KLRF1: variants seen among roughly 807,000 people sequenced by gnomAD.
KLRF1 encodes killer cell lectin-like receptor subfamily F member 1.
A neutral mutation model predicts 30.7 loss-of-function variants in KLRF1; 27 were observed. That is an observed-to-expected ratio of 0.88 (90% CI 0.65 to 1.21). The LOEUF (loss-of-function observed/expected upper bound fraction) is 1.21, where lower values mean the gene tolerates loss of function less well. KLRF1 is among the 50% of genes most tolerant of loss of function. The probability of loss-of-function intolerance (pLI) is 0.00; values close to 1 mark genes in which losing one functional copy is unlikely to be tolerated. For missense variants in KLRF1, 246 were observed against 259.3 expected (o/e 0.95, Z 0.35); for synonymous variants, 92 against 89.3 (o/e 1.03, Z -0.17).
chr12:9,818,426 C>T, the KLRF1 span, among the ~76,000 whole-genome samples: 4 of 152,212 alleles, frequency 2.6e-5, no homozygotes, highest in Non-Finnish European at 4.4e-5. Context: ...TAGGCATGAA[C>T]TGATTGTCAA....
intron 3 of KLRF1, among the ~76,000 whole-genome samples, chr12:9,838,693 C>T (rs979048191): frequency 3.3e-5 from 5 of 152,138 alleles, no homozygotes; most frequent in Admixed American, 1.3e-4. Context: ...CTTTTAACTT[C>T]CTGGTGTGGC....
At chr12:9,822,832 A>G (rs1208954182), upstream of KLRF1, among the ~76,000 whole-genome samples, 2 of 152,206 alleles carry the variant, frequency 1.3e-5, no homozygotes, top group Admixed American at 6.5e-5. Flanking sequence ...CTAATTTCAG[A>G]CAAAACAGAC....
At chr12:9,822,105 A>G in the KLRF1 span, among the ~76,000 whole-genome samples, 3 of 152,238 alleles carry the variant, frequency 2.0e-5, no homozygotes, top group African/African-American at 4.8e-5. Flanking sequence ...TCAAATGGCC[A>G]GAGTTTCTTA....
At position 9,839,121 on chromosome 12, in the gene KLRF1, T is replaced by C. The variant is rs988181715; in HGVS notation, c.335-2691T>C. Among the ~76,000 whole-genome samples, 6 of 152,168 alleles carry C rather than the reference T, an allele frequency of 3.9e-5. No individual in the cohort carries two copies. In the East Asian group the frequency reaches 1.2e-3, roughly 29 times the overall value. On this transcript the variant is annotated intron_variant, in intron 3 of 5. Transcript: ENST00000617889. ...GTTGCTTATGAACAACAGATATTTA[T>C]TCCTCACAGTTCTAAAGACTGGAAG...
At chr12:9,842,245 C>T in intron 4 of KLRF1, 76 bp from the exon 5 acceptor site, 1 of 1,536,038 alleles carries the variant, frequency 6.5e-7, no homozygotes. Flanking sequence ...TGCTTTTTTG[C>T]AATAACATTT....
chr12:9,817,512 G>T, the KLRF1 span: 3 of 389,468 alleles, frequency 7.7e-6, no homozygotes, highest in South Asian at 4.5e-5. Flanking sequence ...GTACTGTTTT[G>T]ACTTTTCAAG....
At chr12:9,836,092 G>A (rs1476372329) in intron 3 of KLRF1, among the ~76,000 whole-genome samples, 1 of 152,200 alleles carries the variant, frequency 6.6e-6, no homozygotes. Flanking sequence ...AATAAGGAGA[G>A]ATTAGAAATG....
In KLRF1 at chr12:9,841,834, C is replaced by A; in HGVS notation, c.357C>A (p.Leu119=). The change falls in exon 4 of 6, where the codon CTC becomes CTA. Residue 119 remains leucine (L), a synonymous_variant. Transcript: ENST00000617889. ...DQTVLCQSEW[L]KYQGKCYWFS... ...TAGTACTATGCCAATCAGAATGGCT[C>A]AAATACCAAGGGAAGTGTTATTGGT... The A allele has an allele frequency of 6.2e-7, 1 of 1,607,946 alleles. No homozygotes were observed. Among genetic ancestry groups the A allele is most frequent in the South Asian group, 1.1e-5 (1 of 90,862 alleles).
In KLRF1 at chr12:9,829,322, G is replaced by A. The variant is rs182920700; in HGVS notation, c.85+1693G>A. ...GTTAAATGTTTTAAAATCACTTTAAGTAATTCCTCTCTCTATAGTGAAGAC... is the reference window on the plus strand; with the variant it reads ...GTTAAATGTTTTAAAATCACTTTAAATAATTCCTCTCTCTATAGTGAAGAC... On this transcript the variant is annotated intron_variant, in intron 1 of 5. Transcript: ENST00000617889. 2.6e-5 allele frequency among the ~76,000 whole-genome samples: 4 copies of A among 151,484 alleles called. No homozygotes were observed. The East Asian group carries it at 5.8e-4, about 22-fold the overall frequency.
chr12:9,820,702 TTCAA>T, the KLRF1 span, among the ~76,000 whole-genome samples: 3 of 152,142 alleles, frequency 2.0e-5, no homozygotes, highest in Non-Finnish European at 1.5e-5. Context: ...AACTTACCAC[TTCAA>T]TCAAAGGCAG....
the KLRF1 span, among the ~76,000 whole-genome samples, chr12:9,813,910 G>T: frequency 6.6e-6 from 1 of 152,078 alleles, no homozygotes; most frequent in African/African-American, 2.4e-5. Flanking sequence ...ACTGTTCCAG[G>T]ACGGAGCTCA....
chr12:9,817,846 C>T, the KLRF1 span: 1 of 190,586 alleles, frequency 5.2e-6, no homozygotes, highest in African/African-American at 2.4e-5. Context: ...CTCAGGATCA[C>T]CTGGTGGTTC....
upstream of KLRF1, among the ~76,000 whole-genome samples, chr12:9,825,322 T>C (rs1591749684): frequency 2.0e-5 from 3 of 146,910 alleles, no homozygotes; most frequent in Middle Eastern, 0.011. Flanking sequence ...TGCAGACACA[T>C]AGACCACTGG....
At chr12:9,804,894 AT>A in the KLRF1 span, among the ~76,000 whole-genome samples, 2 of 152,022 alleles carry the variant, frequency 1.3e-5, no homozygotes, top group African/African-American at 4.8e-5. Context: ...TTGATGTTTT[AT>A]TTTATTGATA....
Position 9,833,345 on chromosome 12 carries a change from CA to C in KLRF1, c.230del (p.Asn77MetfsTer11), listed in dbSNP as rs1200910245. On this transcript the variant is annotated frameshift_variant, in exon 3 of 6. Coordinates refer to ENST00000617889, the MANE Select transcript of KLRF1 (RefSeq NM_016523.3). LOFTEE classifies it high-confidence loss of function. ...VLLKCQKGSC[S>X]NATQYEDTGD... ...CTAAAATGCCAAAAAGGAAGTTGTTCAAATGCCACTCAGTATGAGGACACTG... is the reference window on the plus strand; with the variant it reads ...CTAAAATGCCAAAAAGGAAGTTGTTCAATGCCACTCAGTATGAGGACACTG... The C allele has an allele frequency of 1.9e-6, 3 of 1,606,124 alleles. No homozygotes were observed. The African/African-American group carries it at 4.0e-5, about 22-fold the overall frequency.
At chr12:9,842,722 A>G (rs1319802662) in intron 5 of KLRF1, among the ~76,000 whole-genome samples, 1 of 152,110 alleles carries the variant, frequency 6.6e-6, no homozygotes, top group African/African-American at 2.4e-5. Flanking sequence ...TTCTTTAGCC[A>G]TCTTCAGTAA....
Position 9,829,511 on chromosome 12 carries a change from G to T in KLRF1, c.85+1882G>T, listed in dbSNP as rs967592095. Among the ~76,000 whole-genome samples, 12 of 152,244 alleles carry T rather than the reference G, an allele frequency of 7.9e-5. No individual in the cohort carries two copies. The East Asian group carries it at 2.1e-3, about 27-fold the overall frequency. On this transcript the variant is annotated intron_variant, in intron 1 of 5. Coordinates refer to ENST00000617889, the MANE Select transcript of KLRF1 (RefSeq NM_016523.3). ...CTCATGCCATTAATCCCAGCACTTT[G>T]GAAGGCCGAGGCAGGATGATCGCTT...
chr12:9,821,474 C>T, the KLRF1 span, among the ~76,000 whole-genome samples: 1 of 152,156 alleles, frequency 6.6e-6, no homozygotes, highest in Non-Finnish European at 1.5e-5. Context: ...GCACACTTCC[C>T]CTGCTCATCA....
intron 3 of KLRF1, among the ~76,000 whole-genome samples, chr12:9,834,744 A>G (rs2539938): frequency 0.011 from 1,650 of 152,258 alleles, 25 homozygotes; most frequent in African/African-American, 0.038. Context: ...CAGCATAATT[A>G]CTTGCTTGGT....
Sources: gnomAD v4.1 joint callset for allele counts (sites outside exome capture counted in the v4.1 genomes callset) on GRCh38, gnomAD v4.1.1 for gene constraint, MANE v1.5 for transcripts, NCBI Gene and HGNC (gene_info 2026-07-23, HGNC 2026-07-21) for gene names.